Variants in THSD7B observed in about 807,000 individuals in gnomAD.
THSD7B encodes thrombospondin type 1 domain containing 7B.
Under a neutral mutation model 213.6 loss-of-function variants are expected in THSD7B, and 138 were observed. The observed-to-expected ratio is 0.65, with a 90% confidence interval of 0.56 to 0.74. THSD7B has a LOEUF of 0.74. Among genes scored for constraint, THSD7B ranks in the 30% least tolerant of loss-of-function variants. The probability of loss-of-function intolerance (pLI) is 0.00; values close to 1 mark genes in which losing one functional copy is unlikely to be tolerated. For missense variants in THSD7B, 1,931 were observed against 1,991.5 expected (o/e 0.97, Z 0.58); for synonymous variants, 742 against 687.0 (o/e 1.08, Z -1.25).
At chr2:137,589,833 A>C (rs1044630956) in intron 17 of THSD7B, among the ~76,000 whole-genome samples, 1 of 152,182 alleles carries the variant, frequency 6.6e-6, no homozygotes, top group East Asian at 1.9e-4. Context: ...ACATCCTTGC[A>C]TTCCTGATTC....
chr2:137,295,549 T>C (rs72975645), intron 12 of THSD7B, among the ~76,000 whole-genome samples: 7,686 of 151,308 alleles, frequency 0.051, 468 homozygotes, highest in African/African-American at 0.14. Flanking sequence ...GATCTCGGCT[T>C]ACTGCAACCT....
chr2:137,207,646 A>G (rs1266963892), intron 7 of THSD7B, among the ~76,000 whole-genome samples: 1 of 152,070 alleles, frequency 6.6e-6, no homozygotes, highest in Non-Finnish European at 1.5e-5. Context: ...AAGAGATGGC[A>G]CTGGATTGAG....
At chr2:136,929,061 T>A (rs1001728941) in intron 2 of THSD7B, among the ~76,000 whole-genome samples, 1 of 152,118 alleles carries the variant, frequency 6.6e-6, no homozygotes, top group Non-Finnish European at 1.5e-5. Context: ...GCCATCAACA[T>A]GAAAAACGTA....
intron 12 of THSD7B, among the ~76,000 whole-genome samples, chr2:137,288,131 G>A (rs1481191680): frequency 6.6e-6 from 1 of 151,920 alleles, no homozygotes; most frequent in Non-Finnish European, 1.5e-5. Flanking sequence ...GAGAACAGAA[G>A]GACTAACACT....
intron 6 of THSD7B, among the ~76,000 whole-genome samples, chr2:137,160,870 C>T (rs542969630): frequency 1.6e-4 from 25 of 152,238 alleles, no homozygotes; most frequent in African/African-American, 4.8e-4. Flanking sequence ...GATCTGCCCA[C>T]GTCAGTCTCC....
chr2:137,014,863 T>G (rs1482856349), intron 2 of THSD7B, among the ~76,000 whole-genome samples: 1 of 152,076 alleles, frequency 6.6e-6, no homozygotes, highest in Non-Finnish European at 1.5e-5. Flanking sequence ...GCCAGCTGTC[T>G]CTTCTAGTCT....
At chr2:136,828,066 A>T (rs1682688163) in intron 1 of THSD7B, among the ~76,000 whole-genome samples, 1 of 151,944 alleles carries the variant, frequency 6.6e-6, no homozygotes, top group South Asian at 2.1e-4. Flanking sequence ...GTGAGTGAAG[A>T]TTGGGGTATA....
chr2:137,421,673 A>G lies in THSD7B; in HGVS notation c.2959+9801A>G, dbSNP rs182389622. Among the ~76,000 whole-genome samples the G allele has an allele frequency of 2.7e-3, 418 of 152,278 alleles. 1 individual carries two copies. Among genetic ancestry groups the G allele is most frequent in the African/African-American group, 9.1e-3 (377 of 41,558 alleles). On this transcript the variant is annotated intron_variant, in intron 14 of 27. Coordinates refer to ENST00000409968, the MANE Select transcript of THSD7B (RefSeq NM_001316349.2). ...GAAGTCAGCATTCCTTCCACAGGAT[A>G]TAGGGCAGGACCCTCTCTGGGGAGG...
At chr2:137,139,797 T>C (rs1472623900) in intron 5 of THSD7B, among the ~76,000 whole-genome samples, 1 of 152,166 alleles carries the variant, frequency 6.6e-6, no homozygotes, top group Non-Finnish European at 1.5e-5. Context: ...CTGTTGGCAA[T>C]TTATTCCTTT....
At chr2:137,079,238 A>ATG (rs1687693762) in intron 3 of THSD7B, among the ~76,000 whole-genome samples, 2 of 152,160 alleles carry the variant, frequency 1.3e-5, no homozygotes, top group African/African-American at 2.4e-5. Flanking sequence ...TATTAAATAT[A>ATG]TATGTACTTA....
intron 15 of THSD7B, among the ~76,000 whole-genome samples, chr2:137,556,144 C>T (rs1013902351): frequency 6.6e-6 from 1 of 152,102 alleles, no homozygotes; most frequent in Non-Finnish European, 1.5e-5. Flanking sequence ...GAGAACTTCC[C>T]CAACCTAGCA....
intron 12 of THSD7B, among the ~76,000 whole-genome samples, chr2:137,293,871 T>C (rs1346651157): frequency 6.6e-6 from 1 of 152,200 alleles, no homozygotes; most frequent in East Asian, 1.9e-4. Context: ...TATCTCATTA[T>C]GTGACTATGT....
chr2:136,961,076 A>G (rs1203575081), intron 2 of THSD7B, among the ~76,000 whole-genome samples: 12 of 96,900 alleles, frequency 1.2e-4, no homozygotes, highest in African/African-American at 1.9e-4. Context: ...GTGACAGAGC[A>G]AGACTCCGTC....
chr2:137,284,650 A>G (rs894015484), intron 12 of THSD7B, among the ~76,000 whole-genome samples: 1 of 152,144 alleles, frequency 6.6e-6, no homozygotes, highest in Non-Finnish European at 1.5e-5. Context: ...CCTTCATTTT[A>G]TTATGCATCC....
intron 2 of THSD7B, chr2:136,906,415 G>A (rs944693629): frequency 2.0e-5 from 3 of 152,126 alleles, no homozygotes; most frequent in Non-Finnish European, 4.4e-5. Flanking sequence ...AAGATGCAGT[G>A]CACAGCTGAG....
At chr2:136,853,218 A>G (rs72844022) in intron 1 of THSD7B, among the ~76,000 whole-genome samples, 21,630 of 151,868 alleles carry the variant, frequency 0.14, 2,209 homozygotes, top group Non-Finnish European at 0.22. Context: ...AAATTTCCCC[A>G]TCTGTCCTAT....
chr2:136,777,083 A>G (rs1379206909), intron 1 of THSD7B, among the ~76,000 whole-genome samples: 2 of 152,188 alleles, frequency 1.3e-5, no homozygotes, highest in African/African-American at 4.8e-5. Context: ...AAGGAAAGAA[A>G]TATAGGGCTC....
intron 1 of THSD7B, among the ~76,000 whole-genome samples, chr2:136,851,691 T>C (rs1198556496): frequency 6.6e-6 from 1 of 152,126 alleles, no homozygotes; most frequent in South Asian, 2.1e-4. Context: ...ATGATGGCTT[T>C]GGAGATATAA....
intron 1 of THSD7B, among the ~76,000 whole-genome samples, chr2:136,808,958 G>T (rs1045397396): frequency 2.6e-5 from 4 of 152,106 alleles, no homozygotes; most frequent in African/African-American, 9.7e-5. Flanking sequence ...CTGTTTATTA[G>T]AAGCACTAGT....
Sources: gnomAD v4.1 joint callset for allele counts (sites outside exome capture counted in the v4.1 genomes callset) on GRCh38, gnomAD v4.1.1 for gene constraint, MANE v1.5 for transcripts, NCBI Gene and HGNC (gene_info 2026-07-23, HGNC 2026-07-21) for gene names.